The following OR9Q1 variants were observed in gnomAD, a reference collection of about 807,000 sequenced individuals.
The protein encoded by OR9Q1 is olfactory receptor family 9 subfamily Q member 1.
For missense variants in OR9Q1, 374 were observed against 378.8 expected, an observed-to-expected ratio of 0.99 and a Z score of 0.11; for synonymous variants, 153 against 148.6, an observed-to-expected ratio of 1.03 and a Z score of -0.22.
intron 2 of OR9Q1, among the ~76,000 whole-genome samples, chr11:58,134,293 G>C (rs1854170760): frequency 6.6e-6 from 1 of 152,188 alleles, no homozygotes; most frequent in Non-Finnish European, 1.5e-5. Context: ...GAACAGCTGT[G>C]CTAAGACTCT....
intron 2 of OR9Q1, among the ~76,000 whole-genome samples, chr11:58,139,441 A>G (rs1318269071): frequency 6.8e-6 from 1 of 147,172 alleles, no homozygotes; most frequent in African/African-American, 2.5e-5. Context: ...CGCTCCCCCC[A>G]CCCCACAACA....
chr11:58,046,207 G>T (rs1439235417), intron 1 of OR9Q1, among the ~76,000 whole-genome samples: 1 of 152,222 alleles, frequency 6.6e-6, no homozygotes, highest in Non-Finnish European at 1.5e-5. Flanking sequence ...CCCCTTGCCT[G>T]TGGGGCGACA....
intron 2 of OR9Q1, among the ~76,000 whole-genome samples, chr11:58,070,053 G>A (rs3018839): frequency 6.6e-5 from 10 of 151,986 alleles, no homozygotes; most frequent in South Asian, 6.2e-4. Context: ...CCAGGCTGGA[G>A]TGCAGTGGTG....
intron 2 of OR9Q1, among the ~76,000 whole-genome samples, chr11:58,083,987 C>T (rs1376829607): frequency 6.6e-6 from 1 of 151,806 alleles, no homozygotes. Flanking sequence ...TTTTCTAATT[C>T]TGTGAAGAAT....
intron 2 of OR9Q1, among the ~76,000 whole-genome samples, chr11:58,099,278 A>G (rs1853761005): frequency 6.8e-6 from 1 of 146,340 alleles, no homozygotes; most frequent in African/African-American, 2.5e-5. Flanking sequence ...CATTATATAT[A>G]ATATATAAAA....
intron 2 of OR9Q1, among the ~76,000 whole-genome samples, chr11:58,079,330 T>G (rs529020729): frequency 6.6e-6 from 1 of 152,154 alleles, no homozygotes; most frequent in Admixed American, 6.6e-5. Context: ...GAAGGAGTTA[T>G]GGAATGGCTT....
rs562390882 is a variant in OR9Q1 at position 58,079,767 on chromosome 11, T to C, written c.-15+23820T>C. ...CAGTTGTACCAGATGAAGTCATTAT[T>C]GACCATTCAGGCTCATACATATTGA... On this transcript the variant is annotated intron_variant, in intron 2 of 2. Coordinates refer to ENST00000335397, the MANE Select transcript of OR9Q1 (RefSeq NM_001005212.4). Among the ~76,000 whole-genome samples the C allele has an allele frequency of 5.3e-5, 8 of 152,274 alleles. No individual in the cohort carries two copies. The East Asian group carries it at 1.4e-3, about 26-fold the overall frequency.
intron 2 of OR9Q1, among the ~76,000 whole-genome samples, chr11:58,152,836 A>C (rs1854366755): frequency 6.6e-6 from 1 of 152,022 alleles, no homozygotes; most frequent in Non-Finnish European, 1.5e-5. Context: ...TTCATTTTTT[A>C]TGTCTCACAT....
chr11:58,089,141 G>T (rs1156704029), intron 2 of OR9Q1, among the ~76,000 whole-genome samples: 1 of 151,786 alleles, frequency 6.6e-6, no homozygotes, highest in Non-Finnish European at 1.5e-5. Context: ...GCTTCCCAAA[G>T]TGTTGGGATT....
At position 58,168,090 on chromosome 11, in the gene OR9Q1, T is replaced by C. The variant is rs112953248; in HGVS notation, c.-14-11341T>C. On this transcript the variant is annotated intron_variant, in intron 2 of 2. Coordinates refer to ENST00000335397, the MANE Select transcript of OR9Q1 (RefSeq NM_001005212.4). ...TTTTATTGGACTTGAATTAAAATAA[T>C]AGATTTCATTCCAAAAACTGACACA... Among the ~76,000 whole-genome samples, 493 of 152,328 alleles carry C rather than the reference T, an allele frequency of 3.2e-3. 4 individuals carry two copies. Among genetic ancestry groups the C allele is most frequent in the African/African-American group, 0.011 (476 of 41,578 alleles).
intron 2 of OR9Q1, among the ~76,000 whole-genome samples, chr11:58,129,236 C>CGT (rs59902083): frequency 0.062 from 9,041 of 144,750 alleles, 298 homozygotes; most frequent in African/African-American, 0.094. Flanking sequence ...CAGAGCAATT[C>CGT]GTGTGTGTGT....
At chr11:58,128,856 T>C (rs1355042813) in intron 2 of OR9Q1, among the ~76,000 whole-genome samples, 1 of 152,116 alleles carries the variant, frequency 6.6e-6, no homozygotes. Flanking sequence ...TGTTAAAAAT[T>C]TCATATGTCA....
At chr11:58,153,548 C>T (rs1854374720) in intron 2 of OR9Q1, among the ~76,000 whole-genome samples, 1 of 143,306 alleles carries the variant, frequency 7.0e-6, no homozygotes, top group Non-Finnish European at 1.5e-5. Flanking sequence ...CCATGTGTTG[C>T]AAGAAATCTT....
intron 1 of OR9Q1, among the ~76,000 whole-genome samples, chr11:58,037,025 T>G (rs1418031168): frequency 6.6e-6 from 1 of 152,164 alleles, no homozygotes; most frequent in Non-Finnish European, 1.5e-5. Flanking sequence ...TACAGAGAAA[T>G]TTTTCACAAA....
At chr11:58,045,920 C>G (rs181158742) in intron 1 of OR9Q1, among the ~76,000 whole-genome samples, 56 of 152,324 alleles carry the variant, frequency 3.7e-4, no homozygotes, top group African/African-American at 1.3e-3. Flanking sequence ...CATTTAGCAG[C>G]AACCTTGGCC....
chr11:58,113,214 C>T (rs1357663828), intron 2 of OR9Q1, among the ~76,000 whole-genome samples: 1 of 152,148 alleles, frequency 6.6e-6, no homozygotes, highest in African/African-American at 2.4e-5. Flanking sequence ...AATTTTAATG[C>T]ACCTGGTCTA....
At chr11:58,034,278 G>T (rs1342041582) in intron 1 of OR9Q1, among the ~76,000 whole-genome samples, 1 of 151,602 alleles carries the variant, frequency 6.6e-6, no homozygotes, top group Non-Finnish European at 1.5e-5. Context: ...TAGTAGAAAT[G>T]AGGCTTCACC....
intron 2 of OR9Q1, among the ~76,000 whole-genome samples, chr11:58,176,792 G>A (rs774957548): frequency 2.6e-5 from 4 of 152,084 alleles, no homozygotes; most frequent in Non-Finnish European, 5.9e-5. Flanking sequence ...GATTTGCTTA[G>A]CATTATAACT....
At chr11:58,037,571 T>C (rs1853112626) in intron 1 of OR9Q1, among the ~76,000 whole-genome samples, 1 of 148,968 alleles carries the variant, frequency 6.7e-6, no homozygotes, top group African/African-American at 2.5e-5. Context: ...GGGAATGTTT[T>C]CTGAATTTTG....
Sources: allele counts gnomAD v4.1 joint callset (sites outside exome capture counted in the v4.1 genomes callset), GRCh38; gene constraint gnomAD v4.1.1; transcripts MANE v1.5; gene names NCBI Gene and HGNC (gene_info 2026-07-23, HGNC 2026-07-21).